Variants in NUP93 observed in about 807,000 individuals in gnomAD.
NUP93 encodes nuclear pore complex protein Nup93.
A neutral mutation model predicts 107.8 loss-of-function variants in NUP93; 55 were observed. The observed-to-expected ratio is 0.51, with a 90% confidence interval of 0.41 to 0.64. NUP93 has a LOEUF of 0.64. Ranked by LOEUF, NUP93 falls within the 30% of genes least tolerant of loss-of-function variation. The pLI is 0.00. For missense variants in NUP93, 937 were observed against 1,044.7 expected (o/e 0.90, Z 1.42); for synonymous variants, 390 against 397.5 (o/e 0.98, Z 0.22).
At chr16:56,757,625 A>G (rs1372312919) in intron 2 of NUP93, among the ~76,000 whole-genome samples, 3 of 152,216 alleles carry the variant, frequency 2.0e-5, no homozygotes, top group African/African-American at 7.2e-5. Context: ...AGGTGAGTAG[A>G]AATAAAGATG....
chr16:56,839,492 T>TA (rs1219981174), intron 19 of NUP93, 29 bp from the exon 20 acceptor site: 2 of 1,571,486 alleles, frequency 1.3e-6, no homozygotes, highest in African/African-American at 2.7e-5. Context: ...ATGGTTGTGT[T>TA]ACATGGGGCC....
chr16:56,820,333 G>A (rs886900298), intron 6 of NUP93, among the ~76,000 whole-genome samples: 10 of 152,200 alleles, frequency 6.6e-5, no homozygotes, highest in Admixed American at 2.6e-4. Context: ...TGATTGAGAC[G>A]AAGTCTTGCT....
At chr16:56,789,254 C>CAGTG (rs1170461175) in intron 3 of NUP93, among the ~76,000 whole-genome samples, 2 of 152,312 alleles carry the variant, frequency 1.3e-5, no homozygotes, top group Non-Finnish European at 2.9e-5. Context: ...AGGCATTGCC[C>CAGTG]AGTGCCATGT....
At chr16:56,833,558 T>C in intron 13 of NUP93, 152 bp downstream of exon 13, 1 of 597,750 alleles carries the variant, frequency 1.7e-6, no homozygotes, top group East Asian at 3.3e-5. Context: ...AGATGATTAG[T>C]GTTAAGGGTT....
chr16:56,784,889 A>T (rs1045140654), intron 3 of NUP93, among the ~76,000 whole-genome samples: 5 of 152,144 alleles, frequency 3.3e-5, no homozygotes, highest in Admixed American at 6.5e-5. Flanking sequence ...GTTGGAAACT[A>T]GGGAGACAAT....
Position 56,846,804 on chromosome 16 carries a change from T to C in NUP93, c.*2195T>C, listed in dbSNP as rs1271186898. ...TAGATTTTACTTGCAGATAGAAATA[T>C]AACAATGCCACAAATGAGAAGGCTC... On this transcript the variant is annotated 3_prime_UTR_variant, in exon 22 of 22. Coordinates refer to ENST00000308159, the MANE Select transcript of NUP93 (RefSeq NM_014669.5). 6.6e-6 allele frequency: 1 copy of C among 152,252 alleles called. No individual in the cohort carries two copies. Among genetic ancestry groups the C allele is most frequent in the African/African-American group, 2.4e-5 (1 of 41,466 alleles). 9.4% of individuals were successfully genotyped at this position (152,252 alleles called of 1,614,324 possible).
chr16:56,783,639 T>G (rs12930365), intron 3 of NUP93: 1 of 985,430 alleles, frequency 1.0e-6, no homozygotes, highest in Non-Finnish European at 1.2e-6. Context: ...CAGAGCTCCT[T>G]AATTTAATGT....
chr16:56,808,723 A>G (rs1963240708), intron 5 of NUP93, among the ~76,000 whole-genome samples: 1 of 29,806 alleles, frequency 3.4e-5, no homozygotes, highest in Admixed American at 5.0e-4. Context: ...ATAAATATAT[A>G]TAAATACATA....
intron 4 of NUP93, among the ~76,000 whole-genome samples, chr16:56,804,936 G>C (rs374723430): frequency 6.6e-6 from 1 of 151,550 alleles, no homozygotes; most frequent in Non-Finnish European, 1.5e-5. Context: ...ATATTTTACC[G>C]AAGTTTTATT....
chr16:56,790,858 T>C (rs1457430608), intron 3 of NUP93, among the ~76,000 whole-genome samples: 4 of 152,208 alleles, frequency 2.6e-5, no homozygotes, highest in African/African-American at 7.2e-5. Flanking sequence ...AGATCCTTTA[T>C]TGATTAATTT....
intron 5 of NUP93, among the ~76,000 whole-genome samples, chr16:56,808,520 A>ATAAAATATATAGTTATGTAAC (rs1963221973): frequency 1.6e-5 from 2 of 123,856 alleles, no homozygotes; most frequent in African/African-American, 3.3e-5. Flanking sequence ...TTATGTAACT[A>ATAAAATATATAGTTATGTAAC]TATATAAATA....
intron 3 of NUP93, among the ~76,000 whole-genome samples, chr16:56,793,044 G>C (rs1166138260): frequency 6.6e-6 from 1 of 152,108 alleles, no homozygotes; most frequent in East Asian, 1.9e-4. Flanking sequence ...GATTATGTCT[G>C]TTCTTTCATA....
intron 2 of NUP93, among the ~76,000 whole-genome samples, chr16:56,752,212 C>T (rs1179809300): frequency 1.3e-5 from 2 of 152,178 alleles, no homozygotes; most frequent in African/African-American, 4.8e-5. Context: ...GCAAAATTGA[C>T]CCAGCAATTC....
At chr16:56,825,379 AT>A (rs1249450085) in intron 8 of NUP93, among the ~76,000 whole-genome samples, 1 of 151,518 alleles carries the variant, frequency 6.6e-6, no homozygotes. Context: ...TAATTTTTGT[AT>A]TTTTAGTAGA....
At chr16:56,757,033 C>T (rs1427878430) in intron 2 of NUP93, among the ~76,000 whole-genome samples, 1 of 151,956 alleles carries the variant, frequency 6.6e-6, no homozygotes, top group African/African-American at 2.4e-5. Flanking sequence ...AGGGAAAGTC[C>T]CGGGGATGGC....
intron 3 of NUP93, among the ~76,000 whole-genome samples, chr16:56,780,654 G>C (rs1286745814): frequency 6.6e-6 from 1 of 152,198 alleles, no homozygotes; most frequent in Non-Finnish European, 1.5e-5. Context: ...GATGATGGTA[G>C]CTGAGTAAGA....
intron 3 of NUP93, among the ~76,000 whole-genome samples, chr16:56,786,520 A>G (rs1216794307): frequency 2.6e-5 from 4 of 152,214 alleles, no homozygotes; most frequent in Non-Finnish European, 4.4e-5. Flanking sequence ...TGCCTTAGCA[A>G]CCTAACTCAC....
At chr16:56,789,314 T>G (rs1962700685) in intron 3 of NUP93, among the ~76,000 whole-genome samples, 2 of 152,248 alleles carry the variant, frequency 1.3e-5, no homozygotes, top group Non-Finnish European at 2.9e-5. Flanking sequence ...CTTTAACCTG[T>G]GAGAACTTAT....
chr16:56,832,480 CT>C (rs1213938588), intron 12 of NUP93, 92 bp downstream of exon 12: 2 of 937,236 alleles, frequency 2.1e-6, no homozygotes, highest in Non-Finnish European at 3.4e-6. Context: ...CATCTCTGAA[CT>C]TTTGTCTTTC....
Sources: gnomAD v4.1 joint callset for allele counts (sites outside exome capture counted in the v4.1 genomes callset) on GRCh38, gnomAD v4.1.1 for gene constraint, MANE v1.5 for transcripts, NCBI Gene and HGNC (gene_info 2026-07-23, HGNC 2026-07-21) for gene names.